Variants in PIDD1 observed in about 807,000 individuals in gnomAD.
PIDD1 encodes the protein p53-induced death domain protein 1.
A neutral mutation model predicts 80.0 loss-of-function variants in PIDD1; 72 were observed. The observed-to-expected ratio is 0.90, with a 90% CI of 0.74 to 1.09. The LOEUF (loss-of-function observed/expected upper bound fraction) is 1.09. PIDD1 is among the 50% of genes least tolerant of loss of function. The pLI, the probability that PIDD1 is intolerant of heterozygous loss-of-function variation, is 0.00. For missense variants in PIDD1, 1,329 were observed against 1,228.3 expected, an observed-to-expected ratio of 1.08 and a Z score of -1.23; for synonymous variants, 655 against 543.5, an observed-to-expected ratio of 1.21 and a Z score of -2.85.
Position 801,557 on chromosome 11 carries a change from T to C in PIDD1, c.1370A>G (p.Asn457Ser), listed in dbSNP as rs533748506. The C allele has an allele frequency of 5.4e-5, 84 of 1,569,386 alleles. No homozygotes were observed. The Middle Eastern group carries it at 2.0e-3, about 37-fold the overall frequency. Residue 457 changes from asparagine (N) to serine (S), a missense_variant, in exon 8 of 16, where the codon AAT becomes AGT. Physicochemically the swap from Asn to Ser is conservative, Grantham distance 46. Transcript: ENST00000347755. The stretch of plus-strand genomic sequence containing the variant: ...CCCCTCCGGTGGCACCAGGCAGGCA[T>C]TGGACACAGGGCGGGAAACCACAAG... The part of the protein sequence containing the change: ...WFLVVSRPVS[N>S]ACLVPPEGTL...
Position 802,175 on chromosome 11 carries a change from C to T in PIDD1, c.1176+20G>A, listed in dbSNP as rs769643055. ...CCATGCCCTGGCCCACACACTGCCCCCGCCACGCCCTGTCCATGCCTGCTG... is the reference window on the plus strand; with the variant it reads ...CCATGCCCTGGCCCACACACTGCCCTCGCCACGCCCTGTCCATGCCTGCTG... On this transcript the variant is annotated intron_variant, in intron 6 of 15. Transcript: ENST00000347755. 3 of 1,580,878 alleles carry T rather than the reference C, an allele frequency of 1.9e-6. No homozygotes were observed. Among genetic ancestry groups the T allele is most frequent in the Non-Finnish European group, 2.6e-6 (3 of 1,164,616 alleles).
chr11:804,588 G>A (rs1865650486), intron 1 of PIDD1, 125 bp from the exon 2 acceptor site: 2 of 1,008,562 alleles, frequency 2.0e-6, no homozygotes, highest in Admixed American at 3.2e-5. Flanking sequence ...GCAGAGTGGG[G>A]GAGACCTTGT....
Position 802,414 on chromosome 11 carries a change from G to T in PIDD1, c.975-18C>A. On this transcript the variant is annotated intron_variant, in intron 5 of 15. Transcript: ENST00000347755. ...CAGGAAAGCTGAGTGAGGAAGGAGC[G>T]AGCAACAGGTTAGACCCAGAAGGGC... 1 of 1,608,946 alleles carries T rather than the reference G, an allele frequency of 6.2e-7. No homozygotes were observed. The highest frequency in any genetic ancestry group is 8.5e-7 in the Non-Finnish European group (1 of 1,176,766).
upstream of PIDD1, chr11:805,273 AC>A: frequency 1.0e-6 from 1 of 959,168 alleles, no homozygotes; most frequent in Non-Finnish European, 1.2e-6. Flanking sequence ...GGGACTGCAG[AC>A]CCCGCCCCTT....
rs759435244 is a variant in PIDD1, at chr11:800,396, C to T, written c.2097G>A (p.Lys699=). 8 of 1,588,430 alleles carry T rather than the reference C, an allele frequency of 5.0e-6. No individual in the cohort carries two copies. The African/African-American group carries it at 5.6e-5, about 11-fold the overall frequency. Residue 699 remains lysine (K), a synonymous_variant, in exon 13 of 16, where the codon AAG becomes AAA. Coordinates refer to ENST00000347755, the MANE Select transcript of PIDD1 (RefSeq NM_145886.4). ...RICFVFYSHL[K]NVKEVYVTTT... The stretch of plus-strand genomic sequence containing the variant: ...TGGTCACGTATACCTCCTTCACATT[C>T]TTCAGGTGCGAGTAGAAGACAAAGC...
intron 15 of PIDD1, 29 bp downstream of exon 15, chr11:799,760 AGGCAGCCAGGGCTCAGCCCTGGGGCT>A (rs1565049067): frequency 7.0e-7 from 1 of 1,428,922 alleles, no homozygotes; most frequent in South Asian, 1.4e-5. Flanking sequence ...TGGGCCCTCC[AGGCAGCCAGGGCTCAGCCCTGGGGCT>A]GGCAGCCAGC....
At chr11:803,746 G>A (rs771674174) in intron 2 of PIDD1, 159 bp from the exon 3 acceptor site, 59 of 813,242 alleles carry the variant, frequency 7.3e-5, no homozygotes, top group Non-Finnish European at 1.1e-4. Context: ...CTGGAGAGGT[G>A]CCCGCAAATG....
rs752677252 is a variant in PIDD1, at chr11:799,328, G to C, written c.2712C>G (p.Pro904=). Residue 904 remains proline, a synonymous_variant, in exon 16 of 16, where the codon CCC becomes CCG. Transcript: ENST00000347755. Reference sequence around the variant, plus strand: ...GGGCCTAGGCCTGGGCAGGCTCTGGGGGCTGTGGAGCCGAGGAGCCAGGCA... The same window carrying C: ...GGGCCTAGGCCTGGGCAGGCTCTGGCGGCTGTGGAGCCGAGGAGCCAGGCA... The part of the protein sequence containing the change: ...PALPGSSAPQ[P]PEPAQA The C allele has an allele frequency of 5.0e-6, 8 of 1,605,864 alleles. No individual in the cohort carries two copies. The East Asian group carries it at 1.6e-4, about 31-fold the overall frequency.
intron 5 of PIDD1, 37 bp downstream of exon 5, chr11:802,506 A>T: frequency 3.7e-6 from 6 of 1,609,154 alleles, no homozygotes; most frequent in Non-Finnish European, 5.1e-6. Flanking sequence ...TGACAGGCAG[A>T]CAGACTCCCC....
intron 15 of PIDD1, 54 bp downstream of exon 15, chr11:799,761 G>C: frequency 7.0e-7 from 1 of 1,432,384 alleles, no homozygotes; most frequent in African/African-American, 1.4e-5. Context: ...GGGCCCTCCA[G>C]GCAGCCAGGG....
At position 799,994 on chromosome 11, in the gene PIDD1, C is replaced by T; in HGVS notation, c.2295G>A (p.Gly765=). 6.2e-7 allele frequency: 1 copy of T among 1,612,798 alleles called. No individual in the cohort carries two copies. Among genetic ancestry groups the T allele is most frequent in the Non-Finnish European group, 8.5e-7 (1 of 1,179,892 alleles). The change falls in exon 15 of 16, where the codon GGG becomes GGA. Residue 765 remains glycine (G), a synonymous_variant. Transcript: ENST00000347755. The stretch of plus-strand genomic sequence containing the variant: ...AGGAGAGGCCAGCCCCCCGCCGTGG[C>T]CCCTCGGACCCTCGAAGTCTCTGTT... The part of the protein sequence containing the change: ...IKLPRLRGSE[G]PRRGAGLSLA...
upstream of PIDD1, chr11:805,354 C>T (rs1865714999): frequency 2.3e-6 from 1 of 439,854 alleles, no homozygotes; most frequent in Non-Finnish European, 3.0e-6. Context: ...CCCGGCTCCT[C>T]CCCGACCCGC....
Position 801,303 on chromosome 11 carries a change from G to A in PIDD1, c.1545C>T (p.Ser515=), listed in dbSNP as rs1343092052. The A allele has an allele frequency of 8.7e-6, 14 of 1,601,750 alleles. No individual in the cohort carries two copies. The African/African-American group carries it at 1.3e-4, about 15-fold the overall frequency. The part of the protein sequence containing the change: ...ALLGEPEAAV[S]PLLCLSQSGP... ...CGCTCTGTGACAGGCACAGCAGGGG[G>A]CTCACTGCAGCCTCTGGTTCTCCCA... The change falls in exon 9 of 16, where the codon AGC becomes AGT. Residue 515 remains serine, a synonymous_variant. Transcript: ENST00000347755.
At chr11:801,696 G>A in intron 7 of PIDD1, 72 bp from the exon 8 acceptor site, 2 of 1,333,210 alleles carry the variant, frequency 1.5e-6, no homozygotes. Flanking sequence ...CAGGGAGCAG[G>A]ATCCAGGAGA....
upstream of PIDD1, among the ~76,000 whole-genome samples, chr11:808,117 T>C (rs1292196911): frequency 1.1e-5 from 1 of 92,114 alleles, no homozygotes; most frequent in Non-Finnish European, 2.3e-5. Flanking sequence ...CAGAGTTTGT[T>C]TGGGATAATA....
intron 14 of PIDD1, 31 bp from the exon 15 acceptor site, chr11:800,045 G>T (rs767919263): frequency 5.6e-6 from 9 of 1,609,284 alleles, no homozygotes; most frequent in Middle Eastern, 1.7e-4. Flanking sequence ...ATTAAGCCCT[G>T]GGCTCCACCC....
Position 799,554 on chromosome 11 carries a change from T to G in PIDD1, c.2486A>C (p.Asp829Ala). Residue 829 changes from aspartate (D) to alanine (A), a missense_variant, in exon 16 of 16, where the codon GAT becomes GCT. Physicochemically the swap from Asp to Ala is moderately radical, Grantham distance 126. Transcript: ENST00000347755. ...RIRHEFRDDL[D>A]EQIRHMLFSW... is the part of the protein sequence containing the mutation. ...GAAGAGCATGTGACGGATCTGCTCATCCAGATCATCCCTGCAGGCAGAGGA... is the reference window on the plus strand; with the variant it reads ...GAAGAGCATGTGACGGATCTGCTCAGCCAGATCATCCCTGCAGGCAGAGGA... The G allele has an allele frequency of 1.3e-6, 2 of 1,598,678 alleles. No individual in the cohort carries two copies. The highest frequency in any genetic ancestry group is 1.7e-6 in the Non-Finnish European group (2 of 1,177,262).
At chr11:808,966 T>A (rs1390885319), upstream of PIDD1, among the ~76,000 whole-genome samples, 3 of 152,236 alleles carry the variant, frequency 2.0e-5, no homozygotes, top group African/African-American at 7.2e-5. Flanking sequence ...ACCCTGTTCC[T>A]GGTGCTCGCC....
upstream of PIDD1, among the ~76,000 whole-genome samples, chr11:808,115 G>C (rs1865871992): frequency 1.0e-5 from 1 of 98,246 alleles, no homozygotes; most frequent in Admixed American, 1.1e-4. Context: ...TACAGAGTTT[G>C]TTTGGGATAA....
Sources: allele counts gnomAD v4.1 joint callset (sites outside exome capture counted in the v4.1 genomes callset), GRCh38; gene constraint gnomAD v4.1.1; transcripts MANE v1.5; gene names NCBI Gene and HGNC (gene_info 2026-07-23, HGNC 2026-07-21).